The following SUGCT variants were observed in gnomAD, a reference collection of about 807,000 sequenced individuals.
SUGCT encodes the protein succinyl-CoA:glutarate-CoA transferase.
Under a neutral mutation model 55.0 loss-of-function variants are expected in SUGCT, and 41 were observed. The ratio of observed to expected loss-of-function variants is 0.74; its 90% confidence interval spans 0.58 to 0.97. The LOEUF (loss-of-function observed/expected upper bound fraction) is 0.97, where lower values mean the gene tolerates loss of function less well. SUGCT is among the 50% of genes least tolerant of loss of function. The pLI is 0.00. For synonymous variants in SUGCT, 187 were observed against 200.4 expected (o/e 0.93, Z 0.56); for missense variants, 568 against 547.8 (o/e 1.04, Z -0.37).
chr7:40,474,633 T>A (rs1790563272), intron 11 of SUGCT, among the ~76,000 whole-genome samples: 1 of 152,070 alleles, frequency 6.6e-6, no homozygotes, highest in African/African-American at 2.4e-5. Flanking sequence ...CCAGACCAGC[T>A]CAGGTTGGTC....
chr7:40,210,650 A>G (rs1455108185), intron 6 of SUGCT, among the ~76,000 whole-genome samples: 1 of 152,114 alleles, frequency 6.6e-6, no homozygotes, highest in Non-Finnish European at 1.5e-5. Context: ...GCACACCTGG[A>G]TAAGGAAGGG....
chr7:40,188,254 T>C (rs1785657215), intron 3 of SUGCT, among the ~76,000 whole-genome samples: 1 of 151,792 alleles, frequency 6.6e-6, no homozygotes, highest in South Asian at 2.1e-4. Flanking sequence ...GCCAACATGG[T>C]GAAATCCTGT....
chr7:40,378,363 G>A (rs561616595), intron 9 of SUGCT, among the ~76,000 whole-genome samples: 62 of 152,262 alleles, frequency 4.1e-4, no homozygotes, highest in Non-Finnish European at 8.5e-4. Context: ...TACCTTCAAA[G>A]TTACTGATTC....
intron 12 of SUGCT, among the ~76,000 whole-genome samples, chr7:40,644,557 A>C (rs1297118070): frequency 6.6e-6 from 1 of 152,178 alleles, no homozygotes; most frequent in Non-Finnish European, 1.5e-5. Flanking sequence ...ATCCCAAGAA[A>C]CCATGCAGGG....
chr7:40,419,299 T>G (rs955035205), intron 9 of SUGCT, among the ~76,000 whole-genome samples: 1 of 152,166 alleles, frequency 6.6e-6, no homozygotes, highest in Non-Finnish European at 1.5e-5. Context: ...AGGAATTCAA[T>G]TTTTTTCTTG....
At chr7:40,853,087 A>G (rs911990412) in intron 13 of SUGCT, among the ~76,000 whole-genome samples, 2 of 151,890 alleles carry the variant, frequency 1.3e-5, no homozygotes, top group South Asian at 2.1e-4. Context: ...AAAAAAAAAA[A>G]AAAGAAAGAA....
intron 12 of SUGCT, among the ~76,000 whole-genome samples, chr7:40,573,500 C>T (rs1178165968): frequency 5.3e-5 from 8 of 151,212 alleles, no homozygotes; most frequent in South Asian, 2.1e-4. Flanking sequence ...AACACACATA[C>T]GCTCATGCAC....
chr7:40,839,568 T>C (rs1736386713), intron 13 of SUGCT, among the ~76,000 whole-genome samples: 1 of 152,224 alleles, frequency 6.6e-6, no homozygotes, highest in African/African-American at 2.4e-5. Flanking sequence ...TTTTAAATTA[T>C]GAATTCAGTA....
intron 12 of SUGCT, among the ~76,000 whole-genome samples, chr7:40,677,210 C>T (rs929240598): frequency 1.3e-5 from 2 of 152,132 alleles, no homozygotes; most frequent in Non-Finnish European, 2.9e-5. Context: ...GCCAGATGTC[C>T]TATCTCTTTC....
chr7:40,217,021 G>T (rs1787703742), intron 6 of SUGCT, among the ~76,000 whole-genome samples: 1 of 151,924 alleles, frequency 6.6e-6, no homozygotes, highest in Non-Finnish European at 1.5e-5. Context: ...CCCCCCCTCA[G>T]TCTTATATTG....
chr7:40,161,982 C>G (rs371530946), intron 1 of SUGCT, among the ~76,000 whole-genome samples: 2 of 151,700 alleles, frequency 1.3e-5, no homozygotes, highest in African/African-American at 4.8e-5. Context: ...TTGCAACCTC[C>G]GCCTCCCGGG....
intron 12 of SUGCT, among the ~76,000 whole-genome samples, chr7:40,525,491 A>G (rs1250608533): frequency 3.9e-5 from 6 of 152,146 alleles, no homozygotes; most frequent in Admixed American, 3.9e-4. Context: ...AGTATAAAGG[A>G]AAAGGATTAA....
chr7:40,836,727 C>CT (rs1418167317), intron 13 of SUGCT, among the ~76,000 whole-genome samples: 1 of 152,054 alleles, frequency 6.6e-6, no homozygotes, highest in Non-Finnish European at 1.5e-5. Flanking sequence ...TTTATTTTGG[C>CT]TTTTTTCACT....
At chr7:40,366,079 G>A (rs955359791) in intron 9 of SUGCT, among the ~76,000 whole-genome samples, 1 of 152,124 alleles carries the variant, frequency 6.6e-6, no homozygotes, top group Non-Finnish European at 1.5e-5. Context: ...TAGATCAGTG[G>A]AACAGAACAG....
At chr7:40,233,769 T>G (rs1159132936) in intron 6 of SUGCT, among the ~76,000 whole-genome samples, 1 of 152,164 alleles carries the variant, frequency 6.6e-6, no homozygotes, top group African/African-American at 2.4e-5. Context: ...ATAAAATTCA[T>G]TTTGCTTGTG....
intron 12 of SUGCT, among the ~76,000 whole-genome samples, chr7:40,589,924 G>A (rs746151355): frequency 2.0e-5 from 3 of 152,108 alleles, no homozygotes; most frequent in Admixed American, 6.6e-5. Context: ...TAATTACAGT[G>A]TGCAGATATT....
chr7:40,559,483 C>T (rs924628809), intron 12 of SUGCT, among the ~76,000 whole-genome samples: 1 of 152,204 alleles, frequency 6.6e-6, no homozygotes, highest in Non-Finnish European at 1.5e-5. Context: ...TACAATTGTC[C>T]TACCTGTCCC....
At chr7:41,010,242 G>A in the SUGCT span, among the ~76,000 whole-genome samples, 1 of 152,156 alleles carries the variant, frequency 6.6e-6, no homozygotes, top group African/African-American at 2.4e-5. Context: ...CCAGAACCTG[G>A]CTTAGATACC....
intron 13 of SUGCT, among the ~76,000 whole-genome samples, chr7:40,853,035 T>C (rs1197412803): frequency 6.6e-6 from 1 of 151,518 alleles, no homozygotes; most frequent in Admixed American, 6.6e-5. Flanking sequence ...GACAATAAAA[T>C]TGTGTTTTGT....
Sources: gnomAD v4.1 joint callset for allele counts (sites outside exome capture counted in the v4.1 genomes callset) on GRCh38, gnomAD v4.1.1 for gene constraint, MANE v1.5 for transcripts, NCBI Gene and HGNC (gene_info 2026-07-23, HGNC 2026-07-21) for gene names.